Variants in METAP2 observed in about 807,000 individuals in gnomAD.
METAP2 encodes methionyl aminopeptidase 2, also known as methionine aminopeptidase 2.
Under a neutral mutation model 59.4 loss-of-function variants are expected in METAP2, and 25 were observed. The ratio of observed to expected loss-of-function variants is 0.42; its 90% CI spans 0.31 to 0.59. METAP2 has a LOEUF of 0.59. Among genes scored for constraint, METAP2 ranks in the 20% least tolerant of loss-of-function variants. The pLI is 0.16. For missense variants in METAP2, 366 were observed against 581.2 expected, an observed-to-expected ratio of 0.63 and a Z score of 3.81; for synonymous variants, 214 against 194.1, an observed-to-expected ratio of 1.10 and a Z score of -0.85.
chr12:95,512,167 CA>C (rs2076407746), intron 9 of METAP2, among the ~76,000 whole-genome samples, 169 bp downstream of exon 9: 2 of 152,130 alleles, frequency 1.3e-5, no homozygotes, highest in Non-Finnish European at 2.9e-5. Context: ...GTATAGTCAG[CA>C]CTAAATCAGT....
intron 4 of METAP2, among the ~76,000 whole-genome samples, chr12:95,488,708 TTGAA>T (rs1316604565): frequency 6.6e-6 from 1 of 152,116 alleles, no homozygotes; most frequent in Non-Finnish European, 1.5e-5. Flanking sequence ...TCCTACTGAA[TTGAA>T]TGACCACCTT....
chr12:95,512,696 G>A lies in METAP2; in HGVS notation c.1069-105G>A. ...CACTGCACTCCAGCCTGGCAGCAGA[G>A]AGAGACTCTGTCTCAAAAAGAGAGA... On this transcript the variant is annotated intron_variant, in intron 9 of 10. Coordinates refer to ENST00000323666, the MANE Select transcript of METAP2 (RefSeq NM_006838.4). 4.5e-6 allele frequency: 3 copies of A among 659,682 alleles called. No homozygotes were observed. In the South Asian group the frequency reaches 5.9e-5, roughly 13 times the overall value. The allele number at this position is 659,682 out of a possible 1,614,324, so 40.9% of individuals were successfully genotyped here.
At chr12:95,513,358 A>G (rs2076418735) in intron 10 of METAP2, among the ~76,000 whole-genome samples, 1 of 152,182 alleles carries the variant, frequency 6.6e-6, no homozygotes, top group African/African-American at 2.4e-5. Flanking sequence ...AATTCACATC[A>G]TAATACCCTG....
chr12:95,486,760 G>T (rs12305101), intron 4 of METAP2, among the ~76,000 whole-genome samples: 1 of 152,178 alleles, frequency 6.6e-6, no homozygotes, highest in African/African-American at 2.4e-5. Context: ...GCCTCCCAAA[G>T]TGCTGGGATT....
rs111741312 is a variant in METAP2 at position 95,492,294 on chromosome 12, C to T, written c.429-1762C>T. Among the ~76,000 whole-genome samples, 8 of 152,174 alleles carry T rather than the reference C, an allele frequency of 5.3e-5. 1 individual carries two copies. The highest frequency in any genetic ancestry group is 1.2e-4 in the African/African-American group (5 of 41,500). ...GGGATTATAGGAGTAAGCCACTGTACCTGGCTTTAATTGCTATACTTTTGT... is the reference window on the plus strand; with the variant it reads ...GGGATTATAGGAGTAAGCCACTGTATCTGGCTTTAATTGCTATACTTTTGT... On this transcript the variant is annotated intron_variant, in intron 4 of 10. Coordinates refer to ENST00000323666, the MANE Select transcript of METAP2 (RefSeq NM_006838.4).
chr12:95,487,344 G>A (rs1365029010), intron 4 of METAP2, among the ~76,000 whole-genome samples: 1 of 151,616 alleles, frequency 6.6e-6, no homozygotes, highest in Non-Finnish European at 1.5e-5. Flanking sequence ...TAGAAAAAAA[G>A]AAAGAACATA....
chr12:95,515,363 C>T lies in METAP2; in HGVS notation c.*1459C>T, dbSNP rs201110774. 8 of 152,342 alleles carry T rather than the reference C, an allele frequency of 5.3e-5. No individual in the cohort carries two copies. In the Middle Eastern group the frequency reaches 0.014, roughly 259 times the overall value. 9.4% of individuals were successfully genotyped at this position (152,342 alleles called of 1,614,324 possible). A position where few individuals can be genotyped will look rare whatever the true frequency, so the allele number is the denominator to read the frequency against. ...CAGTAGCCACATTTGACTAATGTCT[C>T]CATTCTCTGTGATGCTGTGGCTAGC... On this transcript the variant is annotated 3_prime_UTR_variant, in exon 11 of 11. Transcript: ENST00000323666.
intron 2 of METAP2, among the ~76,000 whole-genome samples, chr12:95,478,740 A>G (rs1048629544): frequency 2.6e-5 from 4 of 152,210 alleles, no homozygotes; most frequent in East Asian, 1.9e-4. Flanking sequence ...ATTTGGTGGT[A>G]TAAGTGTGGG....
intron 7 of METAP2, among the ~76,000 whole-genome samples, 156 bp downstream of exon 7, chr12:95,496,254 G>A (rs921355556): frequency 1.3e-5 from 2 of 152,080 alleles, no homozygotes; most frequent in Non-Finnish European, 2.9e-5. Context: ...GGTTTTAAGC[G>A]GGTAAGTGTA....
rs112506052 is a variant in METAP2 at position 95,513,835 on chromosome 12, G to T, written c.1368G>T (p.Ala456=). Residue 456 remains alanine (A), a synonymous_variant, in exon 11 of 11, where the codon GCG becomes GCT. Transcript: ENST00000323666. ...PLCDIKGSYT[A]QFEHTILLRP... The stretch of plus-strand genomic sequence containing the variant: ...GTGACATTAAAGGATCATATACAGC[G>T]CAATTTGAACATACCATCCTGTTGC... 4.8e-5 allele frequency: 78 copies of T among 1,614,012 alleles called. No homozygotes were observed. Among genetic ancestry groups the T allele is most frequent in the African/African-American group, 6.7e-5 (5 of 74,906 alleles).
chr12:95,506,495 T>A (rs1033997988), intron 8 of METAP2, among the ~76,000 whole-genome samples: 4 of 151,886 alleles, frequency 2.6e-5, no homozygotes, highest in African/African-American at 9.7e-5. Context: ...GAGACGGGGT[T>A]TCACTATATT....
chr12:95,477,002 G>A (rs1159970926), intron 2 of METAP2, among the ~76,000 whole-genome samples: 2 of 152,188 alleles, frequency 1.3e-5, no homozygotes, highest in African/African-American at 4.8e-5. Flanking sequence ...TAGGGAAGTG[G>A]TAGTTACATG....
Position 95,494,060 on chromosome 12 carries a change from A to C in METAP2, c.433A>C (p.Thr145Pro). 1 of 1,612,634 alleles carries C rather than the reference A, an allele frequency of 6.2e-7. No homozygotes were observed. The highest frequency in any genetic ancestry group is 8.5e-7 in the Non-Finnish European group (1 of 1,178,862). Reference protein sequence around the residue: ...CEYPPTQDGRTAAWRTTSEEK... With the variant: ...CEYPPTQDGRPAAWRTTSEEK... ...TATTCTATGCCCACTCTAAAGGCGAACAGCTGCTTGGAGAACTACAAGTGA... is the reference window on the plus strand; with the variant it reads ...TATTCTATGCCCACTCTAAAGGCGACCAGCTGCTTGGAGAACTACAAGTGA... Residue 145 changes from threonine (T) to proline (P), a missense_variant, in exon 5 of 11, where the codon ACA (threonine) becomes CCA (proline). Coordinates refer to ENST00000323666, the MANE Select transcript of METAP2 (RefSeq NM_006838.4).
intron 8 of METAP2, among the ~76,000 whole-genome samples, chr12:95,504,786 G>C (rs1342860710): frequency 6.6e-6 from 1 of 152,214 alleles, no homozygotes; most frequent in Admixed American, 6.5e-5. Context: ...TAACAGGTGT[G>C]AGCCACTGCT....
At chr12:95,492,327 A>G (rs59649239) in intron 4 of METAP2, among the ~76,000 whole-genome samples, 11,529 of 152,050 alleles carry the variant, frequency 0.076, 574 homozygotes, top group African/African-American at 0.13. Flanking sequence ...TGTTTAATTG[A>G]CTGAACTAAA....
At chr12:95,476,813 C>T (rs1174408479) in intron 2 of METAP2, among the ~76,000 whole-genome samples, 2 of 152,122 alleles carry the variant, frequency 1.3e-5, no homozygotes, top group Admixed American at 6.6e-5. Flanking sequence ...CTACTATGTA[C>T]TAGATACTTT....
At chr12:95,476,236 G>A in intron 2 of METAP2, 58 bp downstream of exon 2, 1 of 1,133,838 alleles carries the variant, frequency 8.8e-7, no homozygotes, top group Middle Eastern at 2.0e-4. Flanking sequence ...GCCGGGTGTG[G>A]TGGCACACAC....
chr12:95,506,216 G>A (rs1292055211), intron 8 of METAP2, among the ~76,000 whole-genome samples: 1 of 151,782 alleles, frequency 6.6e-6, no homozygotes, highest in Non-Finnish European at 1.5e-5. Flanking sequence ...CGAGTAGCTG[G>A]GACTACAGAT....
chr12:95,505,486 G>A (rs1292669479), intron 8 of METAP2, among the ~76,000 whole-genome samples: 3 of 151,564 alleles, frequency 2.0e-5, no homozygotes, highest in Admixed American at 6.6e-5. Flanking sequence ...CACCACGCCC[G>A]GCCAAATTTT....
Sources: allele counts gnomAD v4.1 joint callset (sites outside exome capture counted in the v4.1 genomes callset), GRCh38; gene constraint gnomAD v4.1.1; transcripts MANE v1.5; gene names NCBI Gene and HGNC (gene_info 2026-07-23, HGNC 2026-07-21).